The following GPC3 variants were observed in gnomAD, a reference collection of about 807,000 sequenced individuals.
GPC3 encodes glypican 3, also known as glypican-3.
GPC3 carries 3 observed loss-of-function variants against 34.4 expected under a neutral mutation model. That is an observed-to-expected ratio of 0.09 (90% CI 0.04 to 0.23). The LOEUF (loss-of-function observed/expected upper bound fraction) is 0.23. Among genes scored for constraint, GPC3 ranks in the 10% least tolerant of loss-of-function variants. The probability of loss-of-function intolerance (pLI) is 1.00; values close to 1 mark genes in which losing one functional copy is unlikely to be tolerated. For missense variants in GPC3, 351 were observed against 445.6 expected (o/e 0.79, Z 1.91); for synonymous variants, 177 against 174.0 (o/e 1.02, Z -0.13).
intron 3 of GPC3, among the ~76,000 whole-genome samples, chrX:133,703,314 T>G: frequency 8.9e-6 from 1 of 111,823 alleles, no homozygotes; most frequent in South Asian, 3.8e-4. Context: ...ATATAAAACC[T>G]TTTTGTTTTC....
chrX:133,973,837 C>A (rs1159921104), intron 1 of GPC3, among the ~76,000 whole-genome samples: 1 of 111,760 alleles, frequency 8.9e-6, no homozygotes, highest in Non-Finnish European at 1.9e-5. Flanking sequence ...TGGGAAAGTA[C>A]TGCCCTGGGG....
At chrX:133,706,182 T>C (rs777896202) in intron 3 of GPC3, among the ~76,000 whole-genome samples, 3 of 112,365 alleles carry the variant, frequency 2.7e-5, no homozygotes, top group Admixed American at 9.4e-5. Flanking sequence ...TCTTTTACCA[T>C]ATACAAAAAT....
chrX:133,700,083 A>G (rs1382912645), intron 3 of GPC3, 55 bp from the exon 4 acceptor site: 13 of 968,725 alleles, frequency 1.3e-5, no homozygotes, highest in Non-Finnish European at 1.9e-5. Flanking sequence ...ATGATAGTAG[A>G]AACAAATTCT....
intron 2 of GPC3, among the ~76,000 whole-genome samples, chrX:133,922,537 A>G (rs2076254706): frequency 9.0e-6 from 1 of 111,411 alleles, no homozygotes; most frequent in Non-Finnish European, 1.9e-5. Context: ...GAAGCCTTTG[A>G]TGACTGGTTT....
At chrX:133,608,340 T>C (rs1259252816) in intron 6 of GPC3, among the ~76,000 whole-genome samples, 2 of 112,313 alleles carry the variant, frequency 1.8e-5, no homozygotes, top group African/African-American at 6.5e-5. Flanking sequence ...AAGAAAAACC[T>C]GCTTCAAAGA....
intron 2 of GPC3, among the ~76,000 whole-genome samples, chrX:133,764,505 T>TCAAATGTAA (rs2071828372): frequency 8.9e-6 from 1 of 111,939 alleles, no homozygotes; most frequent in Non-Finnish European, 1.9e-5. Context: ...AAAATGTGAG[T>TCAAATGTAA]CAAATGTAAC....
At chrX:133,778,650 A>G (rs2072013367) in intron 2 of GPC3, among the ~76,000 whole-genome samples, 1 of 112,057 alleles carries the variant, frequency 8.9e-6, no homozygotes, top group Non-Finnish European at 1.9e-5. Context: ...AGGTCACTTC[A>G]GATTTAGTTA....
intron 2 of GPC3, among the ~76,000 whole-genome samples, chrX:133,792,783 A>T (rs768584454): frequency 9.0e-6 from 1 of 111,621 alleles, no homozygotes; most frequent in Non-Finnish European, 1.9e-5. Context: ...TTCAGTAAAG[A>T]CTTCATTCAA....
At chrX:133,581,442 T>C (rs945782492) in intron 7 of GPC3, among the ~76,000 whole-genome samples, 8 of 112,085 alleles carry the variant, frequency 7.1e-5, no homozygotes, top group Admixed American at 6.6e-4. Flanking sequence ...CTAAATATAT[T>C]GTCTTACCCA....
intron 2 of GPC3, among the ~76,000 whole-genome samples, chrX:133,843,878 T>C (rs1174879645): frequency 1.8e-5 from 2 of 112,471 alleles, no homozygotes; most frequent in African/African-American, 3.2e-5. Flanking sequence ...TACATTTCAT[T>C]GTACTTTTTC....
intron 2 of GPC3, among the ~76,000 whole-genome samples, chrX:133,880,050 ATTCTTGTATCCCAATG>A (rs2076034951): frequency 9.0e-6 from 1 of 111,652 alleles, no homozygotes; most frequent in Middle Eastern, 4.6e-3. Flanking sequence ...AAATCCAGTG[ATTCTTGTATCCCAATG>A]TTTATGGCTA....
At chrX:133,625,704 A>T (rs1395892615) in intron 6 of GPC3, among the ~76,000 whole-genome samples, 3 of 112,062 alleles carry the variant, frequency 2.7e-5, no homozygotes, top group Non-Finnish European at 5.6e-5. Flanking sequence ...GCTCATGGAT[A>T]AGAAGAATCA....
At chrX:133,590,605 G>A (rs2069837692) in intron 7 of GPC3, among the ~76,000 whole-genome samples, 1 of 111,824 alleles carries the variant, frequency 8.9e-6, no homozygotes, top group Non-Finnish European at 1.9e-5. Context: ...TTATTATTAG[G>A]TTGGCGCAAA....
At chrX:133,867,620 C>T (rs142419519) in intron 2 of GPC3, among the ~76,000 whole-genome samples, 95 of 109,071 alleles carry the variant, frequency 8.7e-4, no homozygotes, top group Admixed American at 2.5e-3. Context: ...GTCGGAGAGG[C>T]CGGTTCCCTG....
chrX:133,866,696 TAAAGTCATTTTCA>T (rs904298107), intron 2 of GPC3, among the ~76,000 whole-genome samples: 1 of 111,864 alleles, frequency 8.9e-6, no homozygotes, highest in African/African-American at 3.3e-5. Flanking sequence ...AAGAAAAAAC[TAAAGTCATTTTCA>T]AAGAACTTCT....
chrX:133,834,132 ATTG>A (rs1325549473), intron 2 of GPC3, among the ~76,000 whole-genome samples: 1 of 111,852 alleles, frequency 8.9e-6, no homozygotes, highest in Non-Finnish European at 1.9e-5. Context: ...TCTTTTCTTG[ATTG>A]TTGTTTTCTA....
chrX:133,693,633 G>C (rs1407043283), intron 4 of GPC3, among the ~76,000 whole-genome samples: 1 of 111,752 alleles, frequency 8.9e-6, no homozygotes, highest in African/African-American at 3.3e-5. Context: ...CCAGAGGCCT[G>C]AATATCATTT....
At chrX:133,774,812 A>G (rs1407846433) in intron 2 of GPC3, among the ~76,000 whole-genome samples, 1 of 111,089 alleles carries the variant, frequency 9.0e-6, no homozygotes, top group Non-Finnish European at 1.9e-5. Flanking sequence ...TGAGATATGA[A>G]CTCTAATCAG....
At chrX:133,881,980 G>T (rs758907258) in intron 2 of GPC3, among the ~76,000 whole-genome samples, 5 of 112,582 alleles carry the variant, frequency 4.4e-5, no homozygotes, top group African/African-American at 6.5e-5. Flanking sequence ...CCTTCGCGCC[G>T]TGCCTCCTGC....
Sources: allele counts gnomAD v4.1 joint callset (sites outside exome capture counted in the v4.1 genomes callset), GRCh38; gene constraint gnomAD v4.1.1; transcripts MANE v1.5; gene names NCBI Gene and HGNC (gene_info 2026-07-23, HGNC 2026-07-21).